Variants in MAD1L1 observed in about 807,000 individuals in gnomAD.
The protein encoded by MAD1L1 is mitotic spindle assembly checkpoint protein MAD1.
A neutral mutation model predicts 96.9 loss-of-function variants in MAD1L1; 95 were observed. The observed-to-expected ratio is 0.98, with a 90% confidence interval of 0.83 to 1.16. The LOEUF (loss-of-function observed/expected upper bound fraction) is 1.16, where lower values mean the gene tolerates loss of function less well. Ranked by LOEUF, MAD1L1 falls within the 50% of genes most tolerant of loss-of-function variation. The pLI, the probability that MAD1L1 is intolerant of heterozygous loss-of-function variation, is 0.00. For missense variants in MAD1L1, 1,007 were observed against 954.4 expected, an observed-to-expected ratio of 1.06 and a Z score of -0.73; for synonymous variants, 473 against 396.6, an observed-to-expected ratio of 1.19 and a Z score of -2.29.
chr7:1,885,512 G>A (rs552770246), intron 18 of MAD1L1, among the ~76,000 whole-genome samples: 8 of 152,252 alleles, frequency 5.3e-5, no homozygotes, highest in East Asian at 1.9e-4. Flanking sequence ...GGGTGCGGTC[G>A]GAAGGGCAGA....
chr7:1,828,381 G>A (rs1481787349), intron 18 of MAD1L1, among the ~76,000 whole-genome samples: 2 of 152,208 alleles, frequency 1.3e-5, no homozygotes, highest in Non-Finnish European at 2.9e-5. Context: ...CACAGAGGAG[G>A]GCTGAGTTCG....
At chr7:1,836,435 A>G (rs1340993406) in intron 18 of MAD1L1, among the ~76,000 whole-genome samples, 123 of 152,130 alleles carry the variant, frequency 8.1e-4, no homozygotes, top group Admixed American at 7.7e-3. Context: ...CGGACCTCCT[A>G]TCTCTCATCT....
intron 15 of MAD1L1, among the ~76,000 whole-genome samples, chr7:1,972,357 C>G (rs1484061290): frequency 6.6e-6 from 1 of 152,188 alleles, no homozygotes; most frequent in African/African-American, 2.4e-5. Context: ...ATCTTTATGA[C>G]TTCAATTTTT....
chr7:2,015,217 T>C (rs1782482644), intron 12 of MAD1L1, among the ~76,000 whole-genome samples: 1 of 152,106 alleles, frequency 6.6e-6, no homozygotes, highest in African/African-American at 2.4e-5. Context: ...AGGAAACCCA[T>C]CGCTCGTCCA....
At chr7:1,967,873 G>A (rs1284863180) in intron 15 of MAD1L1, among the ~76,000 whole-genome samples, 2 of 148,308 alleles carry the variant, frequency 1.3e-5, no homozygotes, top group African/African-American at 2.6e-5. Flanking sequence ...ACAAGTTCCG[G>A]TGCGTGCACC....
At chr7:2,172,810 C>T (rs1461271136) in intron 10 of MAD1L1, among the ~76,000 whole-genome samples, 1 of 152,208 alleles carries the variant, frequency 6.6e-6, no homozygotes. Context: ...AAGGCTGGAG[C>T]CCCAGATGGG....
Position 2,230,158 on chromosome 7 carries a change from C to T in MAD1L1, c.-10-15G>A. 1.3e-6 allele frequency: 2 copies of T among 1,570,862 alleles called. No individual in the cohort carries two copies. Among genetic ancestry groups the T allele is most frequent in the Non-Finnish European group, 1.7e-6 (2 of 1,157,240 alleles). On this transcript the variant is annotated splice_polypyrimidine_tract_variant and intron_variant, in intron 2 of 18. Coordinates refer to ENST00000265854, the MANE Select transcript of MAD1L1 (RefSeq NM_001013836.2). ...TGGTTGCTTTCCTTCCGGGGACAGA[C>T]AAAGGACTGGTCAGGGGCAGCCTTT... is the stretch of plus-strand genomic sequence containing the variant.
At position 1,905,111 on chromosome 7, in the gene MAD1L1, G is replaced by A. The variant is rs184052017; in HGVS notation, c.1808-6721C>T. Among the ~76,000 whole-genome samples, 147 of 88,314 alleles carry A rather than the reference G, an allele frequency of 1.7e-3. 30 individuals carry two copies. Among genetic ancestry groups the A allele is most frequent in the African/African-American group, 5.9e-3 (141 of 23,826 alleles). The allele number at this position is 88,314 out of a possible 152,430, so 57.9% of individuals were successfully genotyped here. On this transcript the variant is annotated intron_variant, in intron 17 of 18. Coordinates refer to ENST00000265854, the MANE Select transcript of MAD1L1 (RefSeq NM_001013836.2). ...AAGCACTGTTCCAGGCAGCGAGGAC[G>A]CAGTGGCCTACGGAAGACGCTCTCG...
intron 18 of MAD1L1, among the ~76,000 whole-genome samples, chr7:1,858,676 C>T (rs984279495): frequency 5.9e-5 from 9 of 152,222 alleles, no homozygotes; most frequent in Non-Finnish European, 1.2e-4. Flanking sequence ...TGAGAACATG[C>T]GCAGGGCACA....
intron 10 of MAD1L1, among the ~76,000 whole-genome samples, chr7:2,183,791 T>C (rs1348634540): frequency 6.6e-6 from 1 of 151,956 alleles, no homozygotes; most frequent in East Asian, 1.9e-4. Context: ...TTAGGAGATA[T>C]ACCTAATGCT....
chr7:2,071,085 T>C (rs1785103747), intron 11 of MAD1L1, among the ~76,000 whole-genome samples: 1 of 151,192 alleles, frequency 6.6e-6, no homozygotes, highest in African/African-American at 2.4e-5. Flanking sequence ...GATGGTGCTT[T>C]CTTGGGCGGT....
intron 10 of MAD1L1, among the ~76,000 whole-genome samples, chr7:2,176,605 A>C (rs1289315819): frequency 6.6e-6 from 1 of 152,248 alleles, no homozygotes; most frequent in African/African-American, 2.4e-5. Context: ...ACTGGCACTA[A>C]GACTGAATTC....
chr7:1,988,046 G>C (rs917201579), intron 14 of MAD1L1, among the ~76,000 whole-genome samples: 3 of 152,230 alleles, frequency 2.0e-5, no homozygotes, highest in African/African-American at 7.2e-5. Context: ...ACCCGGGGCA[G>C]GCCCATGAGA....
intron 16 of MAD1L1, among the ~76,000 whole-genome samples, chr7:1,945,881 G>A (rs1459901193): frequency 2.0e-5 from 3 of 152,172 alleles, no homozygotes; most frequent in Admixed American, 6.5e-5. Context: ...AGGTGGTCCA[G>A]GGGCATCCCA....
chr7:2,081,915 T>G (rs929165519), intron 11 of MAD1L1, among the ~76,000 whole-genome samples: 3 of 152,156 alleles, frequency 2.0e-5, no homozygotes, highest in African/African-American at 7.2e-5. Flanking sequence ...ACGCCTGACA[T>G]GGCCCCAAGG....
At chr7:2,156,011 G>A (rs1297492145) in intron 10 of MAD1L1, among the ~76,000 whole-genome samples, 1 of 152,374 alleles carries the variant, frequency 6.6e-6, no homozygotes, top group East Asian at 1.9e-4. Flanking sequence ...TAAAGCTGAT[G>A]CTGGGCAAAA....
chr7:1,901,768 C>T (rs1267455433), intron 17 of MAD1L1, among the ~76,000 whole-genome samples: 2 of 152,206 alleles, frequency 1.3e-5, no homozygotes, highest in Non-Finnish European at 2.9e-5. Flanking sequence ...CCAGCCCACC[C>T]ACAGCCCTGG....
At chr7:2,029,084 T>A (rs61589536) in intron 12 of MAD1L1, among the ~76,000 whole-genome samples, 3,031 of 152,240 alleles carry the variant, frequency 0.02, 104 homozygotes, top group African/African-American at 0.069. Context: ...TAGATTTCAT[T>A]CAAATTAAGA....
chr7:1,892,872 TG>T (rs1194766040), intron 18 of MAD1L1, among the ~76,000 whole-genome samples: 1 of 152,210 alleles, frequency 6.6e-6, no homozygotes, highest in African/African-American at 2.4e-5. Flanking sequence ...AAACTGCATT[TG>T]CTCTGTGTCC....
Sources: allele counts gnomAD v4.1 joint callset (sites outside exome capture counted in the v4.1 genomes callset), GRCh38; gene constraint gnomAD v4.1.1; transcripts MANE v1.5; gene names NCBI Gene and HGNC (gene_info 2026-07-23, HGNC 2026-07-21).